RBFOX1: variants seen among roughly 807,000 people sequenced by gnomAD.
RBFOX1 encodes the protein RNA binding fox-1 homolog 1.
In RBFOX1, 8 loss-of-function variants were observed where a neutral mutation model predicts 57.7. The ratio of observed to expected loss-of-function variants is 0.14; its 90% CI spans 0.08 to 0.25. The LOEUF (loss-of-function observed/expected upper bound fraction) is 0.25, where lower values mean the gene tolerates loss of function less well. RBFOX1 is among the 10% of genes least tolerant of loss of function. RBFOX1 has a pLI of 1.00. For missense variants in RBFOX1, 611 were observed against 548.5 expected (o/e 1.11, Z -1.14); for synonymous variants, 326 against 222.4 (o/e 1.47, Z -4.15).
intron 3 of RBFOX1, among the ~76,000 whole-genome samples, chr16:5,627,828 G>A (rs1343936993): frequency 6.6e-6 from 1 of 152,198 alleles, no homozygotes. Context: ...TAGGTTCTAT[G>A]CAAATACTGC....
At chr16:5,460,713 CCT>C (rs2068761546) in intron 1 of RBFOX1, among the ~76,000 whole-genome samples, 1 of 152,228 alleles carries the variant, frequency 6.6e-6, no homozygotes, top group Non-Finnish European at 1.5e-5. Context: ...GCTGTTTCCT[CCT>C]CTTTTCATGC....
chr16:5,419,254 A>G (rs1308522746), intron 1 of RBFOX1, among the ~76,000 whole-genome samples: 1 of 152,168 alleles, frequency 6.6e-6, no homozygotes, highest in Non-Finnish European at 1.5e-5. Context: ...GAAGTGGTAG[A>G]CGGCCATAGT....
intron 2 of RBFOX1, among the ~76,000 whole-genome samples, chr16:6,439,022 G>A (rs543377997): frequency 2.0e-5 from 3 of 152,180 alleles, no homozygotes; most frequent in African/African-American, 2.4e-5. Flanking sequence ...TTTTCTGTGG[G>A]TGTGAGAGAT....
Position 7,621,504 on chromosome 16 carries a change from C to G in RBFOX1, c.677-9099C>G, listed in dbSNP as rs140792363. Among the ~76,000 whole-genome samples the G allele has an allele frequency of 1.4e-3, 213 of 152,240 alleles. 1 individual carries two copies. The highest frequency in any genetic ancestry group is 5.1e-3 in the African/African-American group (212 of 41,538). On this transcript the variant is annotated intron_variant, in intron 10 of 15. Coordinates refer to ENST00000550418, the MANE Select transcript of RBFOX1 (RefSeq NM_018723.4). The stretch of plus-strand genomic sequence containing the variant: ...CTTGAACTCCTGGCCTCAAGTGATC[C>G]TCCTGCCTTGGCTTTCCAAAGTGCT...
intron 2 of RBFOX1, among the ~76,000 whole-genome samples, chr16:6,541,187 G>A (rs952186770): frequency 1.3e-5 from 2 of 152,196 alleles, no homozygotes; most frequent in East Asian, 1.9e-4. Context: ...ATTCTATGCG[G>A]TAATGGCTCT....
At chr16:7,596,462 C>T (rs934270241) in intron 8 of RBFOX1, among the ~76,000 whole-genome samples, 1 of 152,102 alleles carries the variant, frequency 6.6e-6, no homozygotes, top group East Asian at 1.9e-4. Flanking sequence ...AACGCTTAGG[C>T]CCCTCACCAA....
intron 4 of RBFOX1, among the ~76,000 whole-genome samples, chr16:5,974,982 T>TG (rs1229526994): frequency 6.6e-6 from 1 of 152,136 alleles, no homozygotes. Context: ...CACTCCAGCC[T>TG]GGGCAACAAG....
intron 2 of RBFOX1, among the ~76,000 whole-genome samples, chr16:5,493,144 C>T (rs1037865082): frequency 4.6e-5 from 7 of 152,218 alleles, no homozygotes; most frequent in African/African-American, 1.4e-4. Flanking sequence ...TGTGTTGACA[C>T]CTTACTTAGA....
chr16:6,883,056 A>G (rs2063285714), intron 3 of RBFOX1, among the ~76,000 whole-genome samples: 1 of 152,192 alleles, frequency 6.6e-6, no homozygotes, highest in Non-Finnish European at 1.5e-5. Flanking sequence ...ACATTGCTGT[A>G]TTCATAGATG....
intron 3 of RBFOX1, among the ~76,000 whole-genome samples, chr16:5,713,632 G>C (rs77218133): frequency 4.6e-5 from 7 of 152,214 alleles, no homozygotes; most frequent in African/African-American, 1.4e-4. Context: ...ATTCTATAAG[G>C]AGCTATGAGG....
chr16:6,264,323 T>A (rs1418276962), intron 1 of RBFOX1, among the ~76,000 whole-genome samples: 1 of 152,194 alleles, frequency 6.6e-6, no homozygotes, highest in Non-Finnish European at 1.5e-5. Flanking sequence ...TTGGCTTGAC[T>A]TTCTCCCAGT....
At chr16:5,536,768 T>G (rs576239249) in intron 2 of RBFOX1, among the ~76,000 whole-genome samples, 4 of 151,574 alleles carry the variant, frequency 2.6e-5, no homozygotes, top group Non-Finnish European at 5.9e-5. Context: ...TGTAACATCT[T>G]ATTGTAATAT....
At chr16:7,313,537 G>A (rs1472693977) in intron 4 of RBFOX1, among the ~76,000 whole-genome samples, 1 of 150,916 alleles carries the variant, frequency 6.6e-6, no homozygotes, top group African/African-American at 2.4e-5. Flanking sequence ...ACAGCAGTAG[G>A]AGAGGCAGCT....
chr16:5,842,208 G>A (rs2056642625), intron 3 of RBFOX1, among the ~76,000 whole-genome samples: 2 of 152,226 alleles, frequency 1.3e-5, no homozygotes, highest in African/African-American at 4.8e-5. Context: ...GTTAACTGCA[G>A]CTGTTCTCAG....
chr16:6,390,464 G>A (rs1470044306), intron 2 of RBFOX1, among the ~76,000 whole-genome samples: 1 of 151,946 alleles, frequency 6.6e-6, no homozygotes, highest in Non-Finnish European at 1.5e-5. Flanking sequence ...AGTGTGCCGG[G>A]CACTGTGTTT....
chr16:6,586,336 A>G (rs373018505), intron 2 of RBFOX1, among the ~76,000 whole-genome samples: 2 of 152,214 alleles, frequency 1.3e-5, no homozygotes, highest in Non-Finnish European at 2.9e-5. Flanking sequence ...TTCCTAAGAT[A>G]CCTACAAAAT....
chr16:7,670,645 C>T (rs930886031), intron 13 of RBFOX1, among the ~76,000 whole-genome samples: 1 of 152,124 alleles, frequency 6.6e-6, no homozygotes, highest in Non-Finnish European at 1.5e-5. Context: ...TCAGGCATCG[C>T]TCCGTAAGCT....
At chr16:6,817,716 A>AT (rs1203913522) in intron 3 of RBFOX1, among the ~76,000 whole-genome samples, 2 of 151,874 alleles carry the variant, frequency 1.3e-5, no homozygotes, top group East Asian at 3.9e-4. Flanking sequence ...GAAAAAAAAA[A>AT]CAAACAAAAA....
intron 1 of RBFOX1, among the ~76,000 whole-genome samples, chr16:5,320,668 G>A (rs1169272791): frequency 6.6e-6 from 1 of 152,200 alleles, no homozygotes; most frequent in East Asian, 1.9e-4. Context: ...GATGTGCTCA[G>A]GCAGGTGTAG....
Sources: allele counts gnomAD v4.1 joint callset (sites outside exome capture counted in the v4.1 genomes callset), GRCh38; gene constraint gnomAD v4.1.1; transcripts MANE v1.5; gene names NCBI Gene and HGNC (gene_info 2026-07-23, HGNC 2026-07-21).